The following FSTL5 variants were observed in gnomAD, a reference collection of about 807,000 sequenced individuals.
The protein encoded by FSTL5 is follistatin like 5, also known as follistatin-related protein 5.
FSTL5 carries 62 observed loss-of-function variants against 89.1 expected under a neutral mutation model. The observed-to-expected ratio is 0.70, with a 90% CI of 0.57 to 0.86. FSTL5 has a LOEUF of 0.86. FSTL5 is among the 40% of genes least tolerant of loss of function. FSTL5 has a pLI of 0.00. For synonymous variants in FSTL5, 383 were observed against 346.2 expected, an observed-to-expected ratio of 1.11 and a Z score of -1.18; for missense variants, 1,057 against 1,001.6, an observed-to-expected ratio of 1.06 and a Z score of -0.75.
intron 2 of FSTL5, among the ~76,000 whole-genome samples, chr4:162,049,673 A>C (rs1241141538): frequency 1.3e-5 from 2 of 152,120 alleles, no homozygotes; most frequent in Non-Finnish European, 2.9e-5. Context: ...AAAAGGAAGA[A>C]TAGCTAATCT....
At chr4:161,442,481 T>G (rs1399165771) in intron 15 of FSTL5, among the ~76,000 whole-genome samples, 1 of 152,118 alleles carries the variant, frequency 6.6e-6, no homozygotes, top group Non-Finnish European at 1.5e-5. Flanking sequence ...ATTATTCAGG[T>G]GGCTGATAAC....
At chr4:162,021,328 A>G (rs1300615136) in intron 3 of FSTL5, among the ~76,000 whole-genome samples, 1 of 152,166 alleles carries the variant, frequency 6.6e-6, no homozygotes, top group African/African-American at 2.4e-5. Flanking sequence ...TAAAAGCAGT[A>G]CAATTAGTTA....
chr4:161,637,446 G>C (rs1366734865), intron 7 of FSTL5, among the ~76,000 whole-genome samples: 2 of 150,148 alleles, frequency 1.3e-5, no homozygotes, highest in Non-Finnish European at 3.0e-5. Context: ...TTCTTTTGCT[G>C]TGCAGAAGCT....
Position 161,500,123 on chromosome 4 carries a change from C to T in FSTL5, c.1351G>A (p.Gly451Arg), listed in dbSNP as rs762431052. The change falls in exon 12 of 16, where the codon GGG (glycine) becomes AGG (arginine). Residue 451 changes from glycine to arginine, a missense_variant. Gly to Arg is a moderately radical substitution (Grantham distance 125). Around this residue, in one of 3 missense-constraint regions of FSTL5, gnomAD observed 980 missense variants for 903.2 expected, o/e 1.08. Transcript: ENST00000306100. ...TCATAAAAAACATAGAACATGTTCCCAATTCCCAGACCTTAGGAATAAAAA... is the reference window on the plus strand; with the variant it reads ...TCATAAAAAACATAGAACATGTTCCTAATTCCCAGACCTTAGGAATAAAAA... ...ILWREEGLGI[G>R]NMFYVFYEDG... 5.7e-6 allele frequency: 9 copies of T among 1,577,958 alleles called. No individual in the cohort carries two copies. The Admixed American group carries it at 6.8e-5, about 12-fold the overall frequency.
At chr4:161,918,893 T>C (rs1733914562) in intron 4 of FSTL5, among the ~76,000 whole-genome samples, 2 of 152,102 alleles carry the variant, frequency 1.3e-5, no homozygotes, top group Admixed American at 1.3e-4. Context: ...TCTGCCCACC[T>C]TGGCCTCCGA....
intron 4 of FSTL5, among the ~76,000 whole-genome samples, chr4:161,868,164 GAAAT>G (rs895096452): frequency 3.3e-5 from 5 of 152,024 alleles, no homozygotes; most frequent in South Asian, 2.1e-4. Context: ...TAAAATTAGG[GAAAT>G]AAATAAACAT....
At chr4:162,160,493 A>T (rs79147990) in intron 1 of FSTL5, among the ~76,000 whole-genome samples, 72 of 151,350 alleles carry the variant, frequency 4.8e-4, no homozygotes, top group African/African-American at 1.6e-3. Flanking sequence ...AACAGGAAAT[A>T]TTTTTTTCTA....
intron 1 of FSTL5, among the ~76,000 whole-genome samples, chr4:162,113,495 C>G (rs2111413124): frequency 6.6e-6 from 1 of 152,216 alleles, no homozygotes; most frequent in South Asian, 2.1e-4. Context: ...ACACAAGAGC[C>G]TGAGTGATCA....
At chr4:161,596,389 C>A (rs979299455) in intron 7 of FSTL5, among the ~76,000 whole-genome samples, 2 of 151,442 alleles carry the variant, frequency 1.3e-5, no homozygotes, top group African/African-American at 2.4e-5. Flanking sequence ...ATTAAGCAAA[C>A]AAAAATAAAA....
intron 3 of FSTL5, among the ~76,000 whole-genome samples, chr4:161,943,248 C>A (rs1204535667): frequency 6.6e-6 from 1 of 151,736 alleles, no homozygotes; most frequent in Non-Finnish European, 1.5e-5. Context: ...GCAATACTAC[C>A]CCAAATTTTC....
chr4:161,880,742 A>T (rs1251986171), intron 4 of FSTL5, among the ~76,000 whole-genome samples: 1 of 152,174 alleles, frequency 6.6e-6, no homozygotes. Context: ...GTAGACACAC[A>T]CTGTAAGTTA....
intron 2 of FSTL5, among the ~76,000 whole-genome samples, chr4:162,087,503 C>T (rs147715473): frequency 1.8e-4 from 27 of 152,012 alleles, no homozygotes; most frequent in East Asian, 1.5e-3. Flanking sequence ...GTGTATTTAA[C>T]GGAAAAAGAA....
At position 161,459,276 on chromosome 4, in the gene FSTL5, T is replaced by G; in HGVS notation, c.1652A>C (p.Lys551Thr). Residue 551 changes from lysine to threonine, a missense_variant, in exon 14 of 16, where the codon AAA becomes ACA. Physicochemically the swap from Lys to Thr is moderately conservative, Grantham distance 78 (BLOSUM62 -1). Coordinates refer to ENST00000306100, the MANE Select transcript of FSTL5 (RefSeq NM_020116.5). ...DPVPVKLHYD[K>T]SHDQVWVLSW... is the part of the protein sequence containing the mutation. ...TAGCACCCAGACCTGATCATGTGAT[T>G]TGTCATAGTGTAATTTAACTGGGAC... The G allele has an allele frequency of 6.2e-7, 1 of 1,613,616 alleles. No individual in the cohort carries two copies. Among genetic ancestry groups the G allele is most frequent in the Non-Finnish European group, 8.5e-7 (1 of 1,179,622 alleles).
In FSTL5 at chr4:161,682,072, G is replaced by A. The variant is rs184081320; in HGVS notation, c.728-25578C>T. On this transcript the variant is annotated intron_variant, in intron 6 of 15. Coordinates refer to ENST00000306100, the MANE Select transcript of FSTL5 (RefSeq NM_020116.5). Reference sequence around the variant, plus strand: ...GTGGGCAATTGTAACACAATGGACAGCATTTGTGTATCTAAATATTTCTAA... The same window carrying A: ...GTGGGCAATTGTAACACAATGGACAACATTTGTGTATCTAAATATTTCTAA... 2.4e-4 allele frequency among the ~76,000 whole-genome samples: 37 copies of A among 152,278 alleles called. 1 individual carries two copies. Among genetic ancestry groups the A allele is most frequent in the African/African-American group, 8.9e-4 (37 of 41,564 alleles).
At chr4:161,886,213 T>C (rs899046970) in intron 4 of FSTL5, among the ~76,000 whole-genome samples, 1 of 152,130 alleles carries the variant, frequency 6.6e-6, no homozygotes, top group Non-Finnish European at 1.5e-5. Context: ...GTCATTACAA[T>C]TCATAGAAAA....
At chr4:161,658,923 G>T (rs2126684763) in intron 6 of FSTL5, among the ~76,000 whole-genome samples, 1 of 152,242 alleles carries the variant, frequency 6.6e-6, no homozygotes, top group South Asian at 2.1e-4. Context: ...TTGCTACTAA[G>T]TTACCCTGGA....
chr4:161,532,978 C>G (rs960692058), intron 10 of FSTL5, among the ~76,000 whole-genome samples: 57 of 151,762 alleles, frequency 3.8e-4, no homozygotes, highest in African/African-American at 1.4e-3. Flanking sequence ...CTGAACAACT[C>G]TTGAGTGAAC....
At chr4:161,900,554 G>A (rs762747495) in intron 4 of FSTL5, among the ~76,000 whole-genome samples, 5 of 142,504 alleles carry the variant, frequency 3.5e-5, no homozygotes, top group South Asian at 2.3e-4. Context: ...CAGGAGAATC[G>A]CTTGAACCCG....
chr4:162,041,201 G>GT (rs1737939207), intron 2 of FSTL5, among the ~76,000 whole-genome samples: 1 of 62,664 alleles, frequency 1.6e-5, no homozygotes, highest in Admixed American at 1.9e-4. Flanking sequence ...AGATGAGATG[G>GT]TAAAAAAAAA....
Sources: gnomAD v4.1 joint callset for allele counts (sites outside exome capture counted in the v4.1 genomes callset) on GRCh38, gnomAD v4.1.1 for gene constraint, gnomAD v4.1.1 regional missense constraint, MANE v1.5 for transcripts, NCBI Gene and HGNC (gene_info 2026-07-23, HGNC 2026-07-21) for gene names.